Variants in PTPRO observed in about 807,000 individuals in gnomAD.
The protein encoded by PTPRO is protein tyrosine phosphatase receptor type O.
PTPRO carries 62 observed loss-of-function variants against 145.2 expected under a neutral mutation model. The ratio of observed to expected loss-of-function variants is 0.43; its 90% CI spans 0.35 to 0.53. The LOEUF (loss-of-function observed/expected upper bound fraction) is 0.53, where lower values mean the gene tolerates loss of function less well. PTPRO is among the 20% of genes least tolerant of loss of function. The pLI is 0.01. For missense variants in PTPRO, 1,345 were observed against 1,482.7 expected, an observed-to-expected ratio of 0.91 and a Z score of 1.53; for synonymous variants, 565 against 514.7, an observed-to-expected ratio of 1.10 and a Z score of -1.32.
At chr12:15,406,576 AT>A (rs967860868) in intron 1 of PTPRO, among the ~76,000 whole-genome samples, 16 of 152,024 alleles carry the variant, frequency 1.1e-4, no homozygotes, top group Non-Finnish European at 1.5e-4. Flanking sequence ...GATTATATGC[AT>A]TTTTTTCTCT....
At chr12:15,563,152 A>G (rs571264282) in intron 17 of PTPRO, among the ~76,000 whole-genome samples, 1 of 152,184 alleles carries the variant, frequency 6.6e-6, no homozygotes, top group African/African-American at 2.4e-5. Flanking sequence ...TAGGATTTTG[A>G]ACCTTACCTA....
chr12:15,531,072 A>C (rs1049700838), intron 12 of PTPRO, among the ~76,000 whole-genome samples: 11 of 152,182 alleles, frequency 7.2e-5, no homozygotes, highest in Non-Finnish European at 1.6e-4. Context: ...GAATCATGAG[A>C]GACTACTATG....
intron 1 of PTPRO, among the ~76,000 whole-genome samples, chr12:15,444,155 A>G (rs1446496916): frequency 1.3e-5 from 2 of 152,210 alleles, no homozygotes; most frequent in Non-Finnish European, 2.9e-5. Context: ...ATGCAGCCAT[A>G]GAAGAGAACA....
intron 2 of PTPRO, among the ~76,000 whole-genome samples, chr12:15,488,591 G>C (rs879887372): frequency 6.6e-6 from 1 of 152,170 alleles, no homozygotes; most frequent in Non-Finnish European, 1.5e-5. Context: ...GAGAATAAAA[G>C]AGTACCTTTA....
chr12:15,357,289 G>A (rs536244851), intron 1 of PTPRO, among the ~76,000 whole-genome samples: 3 of 152,322 alleles, frequency 2.0e-5, no homozygotes, highest in Admixed American at 6.5e-5. Flanking sequence ...GTTTCAGATT[G>A]TGCTCAAGGG....
At chr12:15,509,798 T>G (rs1358766703) in intron 7 of PTPRO, among the ~76,000 whole-genome samples, 10 of 147,462 alleles carry the variant, frequency 6.8e-5, no homozygotes, top group East Asian at 6.0e-4. Flanking sequence ...CAGAGGAGAG[T>G]GAGGGGCAGG....
chr12:15,358,072 T>A (rs1938053570), intron 1 of PTPRO, among the ~76,000 whole-genome samples: 1 of 151,600 alleles, frequency 6.6e-6, no homozygotes, highest in African/African-American at 2.4e-5. Context: ...AATGATGAGT[T>A]CATTTCCTTT....
chr12:15,569,376 G>T (rs1353942358), intron 18 of PTPRO, 41 bp from the exon 19 acceptor site: 1 of 1,504,918 alleles, frequency 6.6e-7, no homozygotes, highest in Admixed American at 1.7e-5. Context: ...CTATCAACAA[G>T]AATTTTAAAA....
At chr12:15,395,107 C>T (rs186086961) in intron 1 of PTPRO, among the ~76,000 whole-genome samples, 81 of 152,248 alleles carry the variant, frequency 5.3e-4, no homozygotes, top group African/African-American at 1.9e-3. Flanking sequence ...ATGTGAAATA[C>T]CACTGAGTAT....
At chr12:15,503,656 A>C (rs899403909) in intron 5 of PTPRO, among the ~76,000 whole-genome samples, 2 of 152,152 alleles carry the variant, frequency 1.3e-5, no homozygotes, top group African/African-American at 4.8e-5. Flanking sequence ...ATAAAGATAC[A>C]CAGTGTAGAC....
chr12:15,518,702 A>G (rs1311125144), intron 9 of PTPRO, among the ~76,000 whole-genome samples: 1 of 152,178 alleles, frequency 6.6e-6, no homozygotes, highest in Admixed American at 6.5e-5. Flanking sequence ...AAGTTCCAAA[A>G]TCCCTAAGGG....
At chr12:15,480,576 G>A (rs1281403863) in intron 1 of PTPRO, among the ~76,000 whole-genome samples, 4 of 152,036 alleles carry the variant, frequency 2.6e-5, no homozygotes, top group Admixed American at 2.6e-4. Context: ...CTCCTTTTCA[G>A]GATTACCTAC....
chr12:15,330,036 A>G (rs1002964969), intron 1 of PTPRO, among the ~76,000 whole-genome samples: 6 of 152,208 alleles, frequency 3.9e-5, no homozygotes, highest in African/African-American at 1.4e-4. Context: ...GATCAGGGAG[A>G]CTTCTACATG....
At chr12:15,552,869 G>A (rs1293740864) in intron 15 of PTPRO, among the ~76,000 whole-genome samples, 1 of 128,524 alleles carries the variant, frequency 7.8e-6, no homozygotes, top group Non-Finnish European at 1.5e-5. Flanking sequence ...GTGCCATCTT[G>A]GTTCACTGCA....
intron 1 of PTPRO, among the ~76,000 whole-genome samples, chr12:15,456,435 T>A (rs1171478001): frequency 2.6e-5 from 4 of 152,206 alleles, no homozygotes. Flanking sequence ...AGTTTGCTTT[T>A]CTTACAGTGT....
intron 1 of PTPRO, among the ~76,000 whole-genome samples, chr12:15,415,950 T>A (rs1172860259): frequency 1.3e-5 from 2 of 151,740 alleles, no homozygotes; most frequent in Non-Finnish European, 2.9e-5. Context: ...GATAAAGGAC[T>A]TTCTTAAAAT....
intron 1 of PTPRO, among the ~76,000 whole-genome samples, chr12:15,450,132 G>T (rs764212729): frequency 5.9e-5 from 9 of 151,576 alleles, no homozygotes; most frequent in Admixed American, 5.9e-4. Context: ...TTCTCTAAGC[G>T]ATGCTGCATT....
At chr12:15,595,816 G>A (rs948239494) in intron 26 of PTPRO, 3 of 152,564 alleles carry the variant, frequency 2.0e-5, no homozygotes, top group African/African-American at 7.2e-5. Flanking sequence ...GGGAAGGATA[G>A]GATTAGCACT....
chr12:15,554,233 G>C (rs186143089), intron 15 of PTPRO, among the ~76,000 whole-genome samples: 1 of 152,188 alleles, frequency 6.6e-6, no homozygotes, highest in East Asian at 1.9e-4. Context: ...TTTGGCCCAA[G>C]CACTTGAAAG....
Sources: gnomAD v4.1 joint callset for allele counts (sites outside exome capture counted in the v4.1 genomes callset) on GRCh38, gnomAD v4.1.1 for gene constraint, MANE v1.5 for transcripts, NCBI Gene and HGNC (gene_info 2026-07-23, HGNC 2026-07-21) for gene names.